Variants in CCSER2 observed in about 807,000 individuals in gnomAD.
The protein encoded by CCSER2 is serine-rich coiled-coil domain-containing protein 2.
A neutral mutation model predicts 92.3 loss-of-function variants in CCSER2; 46 were observed. The observed-to-expected ratio is 0.50, with a 90% CI of 0.39 to 0.64. The LOEUF is 0.64. Among genes scored for constraint, CCSER2 ranks in the 30% least tolerant of loss-of-function variants. The pLI is 0.00. For synonymous variants in CCSER2, 433 were observed against 431.4 expected (o/e 1.00, Z -0.04); for missense variants, 1,244 against 1,238.9 (o/e 1.00, Z -0.06).
intron 3 of CCSER2, among the ~76,000 whole-genome samples, chr10:84,413,201 G>A (rs1842741063): frequency 6.7e-6 from 1 of 150,250 alleles, no homozygotes; most frequent in Non-Finnish European, 1.5e-5. Context: ...CTTTGGGGTT[G>A]GTTTGCTCTT....
chr10:84,370,015 T>C (rs11201008), intron 1 of CCSER2, among the ~76,000 whole-genome samples: 31,919 of 152,104 alleles, frequency 0.21, 3,600 homozygotes, highest in Admixed American at 0.34. Flanking sequence ...GTATGTACTT[T>C]TATACCAGTA....
chr10:84,380,698 T>C (rs891353870), intron 3 of CCSER2, among the ~76,000 whole-genome samples: 1 of 149,506 alleles, frequency 6.7e-6, no homozygotes, highest in African/African-American at 2.5e-5. Context: ...CCTTTTCTTT[T>C]TTTTTTTTTT....
chr10:84,363,848 C>T (rs1347600474), intron 1 of CCSER2, among the ~76,000 whole-genome samples: 1 of 152,188 alleles, frequency 6.6e-6, no homozygotes, highest in African/African-American at 2.4e-5. Context: ...CTGAGAAATG[C>T]CTCCTTAGGC....
intron 8 of CCSER2, among the ~76,000 whole-genome samples, chr10:84,475,160 G>T (rs982302547): frequency 6.6e-6 from 1 of 152,098 alleles, no homozygotes; most frequent in African/African-American, 2.4e-5. Flanking sequence ...TGATTGGCTA[G>T]ATTTGAGTTA....
At chr10:84,372,801 C>T (rs900405026) in intron 2 of CCSER2, among the ~76,000 whole-genome samples, 4 of 152,076 alleles carry the variant, frequency 2.6e-5, no homozygotes, top group African/African-American at 4.8e-5. Context: ...TTAAACAAAC[C>T]ATCTCTTCTC....
intron 9 of CCSER2, among the ~76,000 whole-genome samples, chr10:84,486,771 G>T (rs990609753): frequency 2.0e-5 from 3 of 152,134 alleles, no homozygotes; most frequent in East Asian, 1.9e-4. Flanking sequence ...GTCTATTTTA[G>T]CTTTTATTGC....
At chr10:84,484,360 G>T (rs368974083) in intron 9 of CCSER2, among the ~76,000 whole-genome samples, 39 of 152,002 alleles carry the variant, frequency 2.6e-4, no homozygotes, top group African/African-American at 7.7e-4. Flanking sequence ...TGATCTGTCC[G>T]CCTCGGCCTC....
intron 1 of CCSER2, among the ~76,000 whole-genome samples, chr10:84,360,100 A>G (rs918260310): frequency 6.6e-6 from 1 of 152,170 alleles, no homozygotes; most frequent in African/African-American, 2.4e-5. Context: ...GGTGTGAGCC[A>G]CTGTGCCTGG....
intron 1 of CCSER2, among the ~76,000 whole-genome samples, chr10:84,329,218 C>T (rs747250996): frequency 2.0e-5 from 3 of 152,204 alleles, no homozygotes; most frequent in Non-Finnish European, 4.4e-5. Flanking sequence ...ATGAAAGACA[C>T]ACCCTAAAAC....
intron 8 of CCSER2, among the ~76,000 whole-genome samples, chr10:84,476,289 A>G (rs1217150583): frequency 1.3e-5 from 2 of 152,136 alleles, no homozygotes; most frequent in Non-Finnish European, 2.9e-5. Context: ...GGTAAATATT[A>G]TTAAAGTAGA....
chr10:84,408,933 A>G (rs1228515743), intron 3 of CCSER2, among the ~76,000 whole-genome samples: 1 of 152,210 alleles, frequency 6.6e-6, no homozygotes, highest in African/African-American at 2.4e-5. Flanking sequence ...GAGAAAACAT[A>G]GGTACTGTAA....
intron 9 of CCSER2, 89 bp from the exon 10 acceptor site, chr10:84,513,360 A>T: frequency 1.0e-6 from 1 of 1,001,766 alleles, no homozygotes; most frequent in Non-Finnish European, 1.5e-6. Context: ...AAGCCATAAT[A>T]AGTACCAACA....
At position 84,514,466 on chromosome 10, in the gene CCSER2, A is replaced by G; in HGVS notation, c.*199A>G. ...AAGTACATGCCATTTGAGCATAATT[A>G]TCTCAGGTAAACACGAAAGTTTGCT... On this transcript the variant is annotated 3_prime_UTR_variant, in exon 10 of 10. Transcript: ENST00000372088. 1 of 554,496 alleles carries G rather than the reference A, an allele frequency of 1.8e-6. No individual in the cohort carries two copies. Among genetic ancestry groups the G allele is most frequent in the South Asian group, 2.6e-5 (1 of 38,638 alleles). The allele number at this position is 554,496 out of a possible 1,614,324, so 34.3% of individuals were successfully genotyped here. A position where few individuals can be genotyped will look rare whatever the true frequency, so the allele number is the denominator to read the frequency against.
chr10:84,402,422 A>G (rs1468853965), intron 3 of CCSER2, among the ~76,000 whole-genome samples: 1 of 152,242 alleles, frequency 6.6e-6, no homozygotes, highest in Non-Finnish European at 1.5e-5. Flanking sequence ...ATATAATGTC[A>G]GCAAATTGAA....
chr10:84,488,374 CTTTT>C (rs1482975962), intron 9 of CCSER2, among the ~76,000 whole-genome samples: 3 of 152,128 alleles, frequency 2.0e-5, no homozygotes, highest in Admixed American at 1.3e-4. Context: ...TGGTCCTGGA[CTTTT>C]TTTGTTTGGT....
intron 6 of CCSER2, among the ~76,000 whole-genome samples, chr10:84,440,013 T>C (rs961262536): frequency 2.0e-5 from 3 of 152,144 alleles, no homozygotes; most frequent in African/African-American, 7.2e-5. Context: ...CCACGTACCA[T>C]CTTTTGTGTT....
chr10:84,505,509 C>T (rs942376989), intron 9 of CCSER2, among the ~76,000 whole-genome samples: 2 of 152,134 alleles, frequency 1.3e-5, no homozygotes, highest in Non-Finnish European at 2.9e-5. Context: ...ATAAGAATAG[C>T]TTCAGCTTCC....
chr10:84,446,136 C>T (rs998599587), intron 6 of CCSER2, among the ~76,000 whole-genome samples: 1 of 151,918 alleles, frequency 6.6e-6, no homozygotes, highest in African/African-American at 2.4e-5. Context: ...TTTGACCTTG[C>T]AATAAGAAAT....
In CCSER2 at chr10:84,457,306, G is replaced by T. The variant is rs531414336; in HGVS notation, c.2065-6627G>T. ...ATATATTATATATTATATATAATAT[G>T]TTATATATAATATATTATATATAAT... is the stretch of plus-strand genomic sequence containing the variant. On this transcript the variant is annotated intron_variant, in intron 6 of 9. Transcript: ENST00000372088. Among the ~76,000 whole-genome samples, 101 of 35,402 alleles carry T rather than the reference G, an allele frequency of 2.9e-3. 1 individual carries two copies. The highest frequency in any genetic ancestry group is 4.7e-3 in the Admixed American group (8 of 1,712). 23.2% of individuals were successfully genotyped at this position (35,402 alleles called of 152,430 possible).
Sources: allele counts gnomAD v4.1 joint callset (sites outside exome capture counted in the v4.1 genomes callset), GRCh38; gene constraint gnomAD v4.1.1; transcripts MANE v1.5; gene names NCBI Gene and HGNC (gene_info 2026-07-23, HGNC 2026-07-21).